The following RBFOX1 variants were observed in gnomAD, a reference collection of about 807,000 sequenced individuals.
RBFOX1 encodes RNA binding protein fox-1 homolog 1.
In RBFOX1, 8 loss-of-function variants were observed where a neutral mutation model predicts 57.7. That is an observed-to-expected ratio of 0.14 (90% CI 0.08 to 0.25). The LOEUF (loss-of-function observed/expected upper bound fraction) is 0.25, where lower values mean the gene tolerates loss of function less well. RBFOX1 is among the 10% of genes least tolerant of loss of function. The probability of loss-of-function intolerance (pLI) is 1.00; values close to 1 mark genes in which losing one functional copy is unlikely to be tolerated. For synonymous variants in RBFOX1, 326 were observed against 222.4 expected (o/e 1.47, Z -4.15); for missense variants, 611 against 548.5 (o/e 1.11, Z -1.14).
chr16:6,127,112 C>G (rs1385172717), intron 1 of RBFOX1, among the ~76,000 whole-genome samples: 1 of 152,048 alleles, frequency 6.6e-6, no homozygotes. Flanking sequence ...GTGCATAGGC[C>G]TCAGGTTAGG....
rs140495154 is a variant in RBFOX1 at position 5,703,167 on chromosome 16, A to G, written c.318+104206A>G. 2.2e-4 allele frequency among the ~76,000 whole-genome samples: 33 copies of G among 152,338 alleles called. No homozygotes were observed. In the East Asian group the frequency reaches 6.2e-3, roughly 29 times the overall value. On this transcript the variant is annotated intron_variant, in intron 3 of 19. Transcript: ENST00000641259. ...GATATGGAGCAAATGATCCTGTATA[A>G]TTGCAACTTTGCTATGAAAGAGGGG...
At chr16:7,339,865 G>T (rs921881669) in intron 4 of RBFOX1, among the ~76,000 whole-genome samples, 2 of 152,216 alleles carry the variant, frequency 1.3e-5, no homozygotes, top group African/African-American at 4.8e-5. Context: ...ATTTTGACAA[G>T]CCAAGGGCTG....
rs529231473 is a variant in RBFOX1, at chr16:7,095,007, T to C, written c.27+42909T>C. On this transcript the variant is annotated intron_variant, in intron 4 of 15. Transcript: ENST00000550418. Reference sequence around the variant, plus strand: ...GTAAACATCAATTGTGGAATAACCTTTTTACTCTTACAGAGTGATTTGCAA... The same window carrying C: ...GTAAACATCAATTGTGGAATAACCTCTTTACTCTTACAGAGTGATTTGCAA... Among the ~76,000 whole-genome samples, 4 of 152,276 alleles carry C rather than the reference T, an allele frequency of 2.6e-5. No homozygotes were observed. The South Asian group carries it at 8.3e-4, about 32-fold the overall frequency.
intron 2 of RBFOX1, among the ~76,000 whole-genome samples, chr16:5,500,080 T>TC (rs1289626500): frequency 4.6e-5 from 7 of 151,232 alleles, no homozygotes; most frequent in Admixed American, 4.0e-4. Flanking sequence ...CAGCCTGCCT[T>TC]CCTGCCTTCC....
chr16:6,233,707 C>G (rs2097483463), intron 1 of RBFOX1, among the ~76,000 whole-genome samples: 1 of 152,126 alleles, frequency 6.6e-6, no homozygotes, highest in Non-Finnish European at 1.5e-5. Flanking sequence ...CTCCTGGCCT[C>G]AAGTGATCCT....
chr16:5,969,585 G>T (rs1359140018), intron 4 of RBFOX1, among the ~76,000 whole-genome samples: 1 of 150,538 alleles, frequency 6.6e-6, no homozygotes, highest in Admixed American at 6.7e-5. Context: ...ACCTCCCACA[G>T]TGCTGGGATT....
chr16:7,341,354 C>T (rs993667519), intron 4 of RBFOX1, among the ~76,000 whole-genome samples: 5 of 152,138 alleles, frequency 3.3e-5, no homozygotes, highest in Non-Finnish European at 7.3e-5. Flanking sequence ...CTCCATGAAA[C>T]TCATTCATTT....
intron 2 of RBFOX1, among the ~76,000 whole-genome samples, chr16:6,600,975 T>G (rs960464811): frequency 6.6e-6 from 1 of 152,098 alleles, no homozygotes; most frequent in African/African-American, 2.4e-5. Context: ...CTCTTAAATG[T>G]GATTATAGTC....
At chr16:5,721,104 T>C (rs547954127) in intron 3 of RBFOX1, among the ~76,000 whole-genome samples, 2 of 152,336 alleles carry the variant, frequency 1.3e-5, no homozygotes, top group East Asian at 3.9e-4. Flanking sequence ...ATTTCTTTGA[T>C]CAATATTTAA....
intron 3 of RBFOX1, among the ~76,000 whole-genome samples, chr16:7,013,310 C>T (rs1254110592): frequency 2.0e-5 from 3 of 152,166 alleles, no homozygotes; most frequent in Admixed American, 2.0e-4. Context: ...AGGAGCTTAA[C>T]TCAGTGTTCT....
intron 4 of RBFOX1, among the ~76,000 whole-genome samples, chr16:7,486,762 G>T (rs1053063832): frequency 1.3e-5 from 2 of 152,180 alleles, no homozygotes; most frequent in Non-Finnish European, 2.9e-5. Flanking sequence ...CAGAGATCCA[G>T]GCCGTTACTA....
chr16:5,979,282 T>G (rs764218093), intron 4 of RBFOX1, among the ~76,000 whole-genome samples: 37 of 152,192 alleles, frequency 2.4e-4, no homozygotes, highest in Non-Finnish European at 4.9e-4. Context: ...AGGTATCATT[T>G]GTTGCAGTGA....
intron 2 of RBFOX1, among the ~76,000 whole-genome samples, chr16:6,564,354 T>G (rs2097225781): frequency 6.6e-6 from 1 of 151,992 alleles, no homozygotes; most frequent in African/African-American, 2.4e-5. Context: ...AAGAAGGAAA[T>G]ACTGTGTTCG....
intron 3 of RBFOX1, among the ~76,000 whole-genome samples, chr16:6,845,635 C>G (rs184284693): frequency 6.6e-6 from 1 of 151,474 alleles, no homozygotes; most frequent in Non-Finnish European, 1.5e-5. Context: ...CTATCACTTA[C>G]GACCCTTCAT....
chr16:6,760,167 C>G (rs928461437), intron 3 of RBFOX1, among the ~76,000 whole-genome samples: 1 of 152,124 alleles, frequency 6.6e-6, no homozygotes, highest in Non-Finnish European at 1.5e-5. Context: ...CAAAGATAAG[C>G]ATCGCTATGT....
rs117358567 is a variant in RBFOX1, at chr16:5,998,594, A to G, written c.351+131259A>G. 3.7e-3 allele frequency among the ~76,000 whole-genome samples: 569 copies of G among 152,308 alleles called. 1 individual carries two copies. The highest frequency in any genetic ancestry group is 5.3e-3 in the Non-Finnish European group (361 of 68,032). On this transcript the variant is annotated intron_variant, in intron 4 of 19. Coordinates refer to the RBFOX1 transcript ENST00000641259. Reference sequence around the variant, plus strand: ...AATGGATCAAAGCTGAGGGGCTTTCACTGAAGCAAGGTTGTGTGAGGGTGC... The same window carrying G: ...AATGGATCAAAGCTGAGGGGCTTTCGCTGAAGCAAGGTTGTGTGAGGGTGC...
At chr16:6,011,568 T>C (rs565702368) in intron 4 of RBFOX1, among the ~76,000 whole-genome samples, 1 of 152,284 alleles carries the variant, frequency 6.6e-6, no homozygotes, top group South Asian at 2.1e-4. Flanking sequence ...GGCTTCTCTG[T>C]AGTTAAAGGT....
At chr16:5,964,952 C>T (rs1596310639) in intron 4 of RBFOX1, among the ~76,000 whole-genome samples, 2 of 152,148 alleles carry the variant, frequency 1.3e-5, no homozygotes, top group African/African-American at 4.8e-5. Flanking sequence ...AAATTATATT[C>T]AGTCTTAAAA....
At chr16:5,315,130 A>G (rs1202274064) in intron 1 of RBFOX1, among the ~76,000 whole-genome samples, 1 of 152,192 alleles carries the variant, frequency 6.6e-6, no homozygotes, top group East Asian at 1.9e-4. Context: ...GAAGACGCAT[A>G]AAGTGAAATG....
Sources: gnomAD v4.1 joint callset for allele counts (sites outside exome capture counted in the v4.1 genomes callset) on GRCh38, gnomAD v4.1.1 for gene constraint, MANE v1.5 for transcripts, NCBI Gene and HGNC (gene_info 2026-07-23, HGNC 2026-07-21) for gene names.